The following GFOD1 variants were observed in gnomAD, a reference collection of about 807,000 sequenced individuals.
GFOD1 encodes the protein Gfo/Idh/MocA-like oxidoreductase domain containing 1.
In GFOD1, 9 loss-of-function variants were observed where a neutral mutation model predicts 25.4. The ratio of observed to expected loss-of-function variants is 0.35; its 90% CI spans 0.21 to 0.62. GFOD1 has a LOEUF of 0.62. GFOD1 is among the 20% of genes least tolerant of loss of function. GFOD1 has a pLI of 0.72. For synonymous variants in GFOD1, 253 were observed against 245.6 expected, an observed-to-expected ratio of 1.03 and a Z score of -0.28; for missense variants, 403 against 556.9, an observed-to-expected ratio of 0.72 and a Z score of 2.78.
chr6:13,477,188 G>A (rs1353184283), intron 1 of GFOD1, among the ~76,000 whole-genome samples: 1 of 150,428 alleles, frequency 6.6e-6, no homozygotes, highest in East Asian at 1.9e-4. Context: ...ATTAGTCAGG[G>A]TTCACCAGAG....
At chr6:13,417,374 C>T (rs1786180551) in intron 1 of GFOD1, among the ~76,000 whole-genome samples, 1 of 152,178 alleles carries the variant, frequency 6.6e-6, no homozygotes, top group Admixed American at 6.5e-5. Flanking sequence ...AGGATGGTCT[C>T]GATCTCCTGA....
chr6:13,485,211 A>G (rs1468256305), intron 1 of GFOD1, among the ~76,000 whole-genome samples: 1 of 152,256 alleles, frequency 6.6e-6, no homozygotes, highest in East Asian at 1.9e-4. Context: ...CTGAGTCAAT[A>G]GCCAAATGGC....
intron 1 of GFOD1, among the ~76,000 whole-genome samples, chr6:13,370,639 G>C (rs1022316190): frequency 2.0e-5 from 3 of 151,888 alleles, no homozygotes; most frequent in African/African-American, 4.8e-5. Context: ...CTATCAAAAG[G>C]TTCTTGCTAA....
intron 1 of GFOD1, among the ~76,000 whole-genome samples, chr6:13,441,149 G>A (rs1325763825): frequency 2.0e-5 from 3 of 152,204 alleles, no homozygotes; most frequent in South Asian, 2.1e-4. Context: ...CTAGGGTAGT[G>A]CGGTGCCCAC....
At position 13,486,626 on chromosome 6, in the gene GFOD1, G is replaced by C; in HGVS notation, c.253+12C>G. ...GGGGTGGGACGGAGGATGCGGGGTA[G>C]GGGTCGCTCACCTAGGGTTTTGACA... On this transcript the variant is annotated intron_variant, in intron 1 of 1. Coordinates refer to ENST00000379287, the MANE Select transcript of GFOD1 (RefSeq NM_018988.4). 1 of 1,612,676 alleles carries C rather than the reference G, an allele frequency of 6.2e-7. No homozygotes were observed. Among genetic ancestry groups the C allele is most frequent in the Non-Finnish European group, 8.5e-7 (1 of 1,178,982 alleles).
At chr6:13,414,754 A>G (rs80067198) in intron 1 of GFOD1, among the ~76,000 whole-genome samples, 1 of 152,332 alleles carries the variant, frequency 6.6e-6, no homozygotes, top group East Asian at 1.9e-4. Flanking sequence ...CCTTTTGTTT[A>G]TGGCAGGAAT....
chr6:13,405,131 C>A (rs1472907803), intron 1 of GFOD1, among the ~76,000 whole-genome samples: 3 of 152,110 alleles, frequency 2.0e-5, no homozygotes, highest in African/African-American at 7.2e-5. Context: ...GTTTGCAGAG[C>A]CTCTTCTTTT....
chr6:13,401,081 G>A (rs1785831845), intron 1 of GFOD1, among the ~76,000 whole-genome samples: 1 of 152,208 alleles, frequency 6.6e-6, no homozygotes, highest in African/African-American at 2.4e-5. Flanking sequence ...ATAAAGTGAG[G>A]TGCGAGAGAG....
At position 13,441,979 on chromosome 6, in the gene GFOD1, C is replaced by A. The variant is rs538178571; in HGVS notation, c.253+44659G>T. Among the ~76,000 whole-genome samples, 23 of 152,098 alleles carry A rather than the reference C, an allele frequency of 1.5e-4. 1 individual carries two copies. The highest frequency in any genetic ancestry group is 4.1e-4 in the African/African-American group (17 of 41,402). ...TGGCCAGACACACCCACACACACAC[C>A]CCCACACTCACTCAGATGGGGACTG... is the stretch of plus-strand genomic sequence containing the variant. On this transcript the variant is annotated intron_variant, in intron 1 of 1. Coordinates refer to ENST00000379287, the MANE Select transcript of GFOD1 (RefSeq NM_018988.4).
chr6:13,429,740 T>C (rs904380461), intron 1 of GFOD1, among the ~76,000 whole-genome samples: 1 of 152,162 alleles, frequency 6.6e-6, no homozygotes, highest in Admixed American at 6.5e-5. Flanking sequence ...GAAGAGAACA[T>C]AGAGTGTACC....
intron 1 of GFOD1, among the ~76,000 whole-genome samples, chr6:13,463,011 G>T (rs996907649): frequency 6.6e-6 from 1 of 152,254 alleles, no homozygotes; most frequent in South Asian, 2.1e-4. Flanking sequence ...GAGGCAGAGA[G>T]CAGCTCTCTT....
At chr6:13,424,952 A>G (rs1429870158) in intron 1 of GFOD1, among the ~76,000 whole-genome samples, 1 of 143,308 alleles carries the variant, frequency 7.0e-6, no homozygotes, top group African/African-American at 2.8e-5. Flanking sequence ...TAACACATTT[A>G]ATTCTTTTTT....
intron 1 of GFOD1, 38 bp downstream of exon 1, chr6:13,486,600 G>C: frequency 6.4e-7 from 1 of 1,574,756 alleles, no homozygotes. Flanking sequence ...GTTAAAGGGC[G>C]GGGGTGGGAC....
chr6:13,443,244 G>C (rs1457370129), intron 1 of GFOD1, among the ~76,000 whole-genome samples: 1 of 152,224 alleles, frequency 6.6e-6, no homozygotes, highest in Non-Finnish European at 1.5e-5. Context: ...TGGATGAGAA[G>C]CTGCTTCTTA....
At chr6:13,395,162 A>G (rs988643247) in intron 1 of GFOD1, among the ~76,000 whole-genome samples, 2 of 152,222 alleles carry the variant, frequency 1.3e-5, no homozygotes, top group African/African-American at 4.8e-5. Flanking sequence ...CAAGGTGACT[A>G]CATTGCCAGT....
intron 1 of GFOD1, among the ~76,000 whole-genome samples, chr6:13,444,834 G>A (rs909360383): frequency 1.3e-5 from 2 of 152,008 alleles, no homozygotes; most frequent in Non-Finnish European, 2.9e-5. Flanking sequence ...GCCTGGAACC[G>A]CACCCACAAT....
At chr6:13,424,868 A>G (rs1308258147) in intron 1 of GFOD1, among the ~76,000 whole-genome samples, 1 of 152,126 alleles carries the variant, frequency 6.6e-6, no homozygotes, top group East Asian at 1.9e-4. Context: ...AATAACAACA[A>G]TAACTGTAGC....
chr6:13,369,664 C>T (rs999098387), intron 1 of GFOD1, among the ~76,000 whole-genome samples: 10 of 151,910 alleles, frequency 6.6e-5, no homozygotes, highest in Admixed American at 3.9e-4. Context: ...TGTCTCAAAA[C>T]AAAAAACAAA....
At chr6:13,426,295 T>C (rs1786350673) in intron 1 of GFOD1, among the ~76,000 whole-genome samples, 1 of 152,206 alleles carries the variant, frequency 6.6e-6, no homozygotes, top group South Asian at 2.1e-4. Context: ...CCTGGTCCTA[T>C]AATACAGAAG....
Sources: allele counts gnomAD v4.1 joint callset (sites outside exome capture counted in the v4.1 genomes callset), GRCh38; gene constraint gnomAD v4.1.1; transcripts MANE v1.5; gene names NCBI Gene and HGNC (gene_info 2026-07-23, HGNC 2026-07-21).